EYS: variants seen among roughly 807,000 people sequenced by gnomAD.
EYS encodes the protein EGF-like photoreceptor maintenance factor, also known as protein eyes shut homolog.
Under a neutral mutation model 282.1 loss-of-function variants are expected in EYS, and 250 were observed. The observed-to-expected ratio is 0.89, with a 90% confidence interval of 0.80 to 0.98. The LOEUF (loss-of-function observed/expected upper bound fraction) is 0.98, where lower values mean the gene tolerates loss of function less well. EYS is among the 50% of genes least tolerant of loss of function. The pLI is 0.00. For missense variants in EYS, 4,016 were observed against 3,709.0 expected, an observed-to-expected ratio of 1.08 and a Z score of -2.15; for synonymous variants, 1,355 against 1,282.9, an observed-to-expected ratio of 1.06 and a Z score of -1.20.
chr6:64,927,748 A>C (rs1055883699), intron 15 of EYS, among the ~76,000 whole-genome samples: 2 of 152,176 alleles, frequency 1.3e-5, no homozygotes, highest in African/African-American at 4.8e-5. Flanking sequence ...AAATAATATC[A>C]GTATATCATC....
chr6:65,410,591 A>T (rs1766950071), intron 5 of EYS, among the ~76,000 whole-genome samples: 1 of 144,810 alleles, frequency 6.9e-6, no homozygotes. Context: ...TACTTCTATG[A>T]TACTAGCTTT....
chr6:64,724,764 A>T (rs1285528713), intron 22 of EYS, among the ~76,000 whole-genome samples: 1 of 152,226 alleles, frequency 6.6e-6, no homozygotes, highest in African/African-American at 2.4e-5. Flanking sequence ...GTTAAAAAAT[A>T]GCATTTGTGA....
At chr6:65,352,838 C>G (rs1022020081) in intron 9 of EYS, among the ~76,000 whole-genome samples, 5 of 151,862 alleles carry the variant, frequency 3.3e-5, no homozygotes, top group African/African-American at 4.8e-5. Flanking sequence ...GGCTTTACCC[C>G]CTCCATGGAA....
At chr6:64,575,948 G>A (rs1765866459) in intron 26 of EYS, among the ~76,000 whole-genome samples, 1 of 152,034 alleles carries the variant, frequency 6.6e-6, no homozygotes, top group African/African-American at 2.4e-5. Flanking sequence ...AAAATTAGTG[G>A]TAGCCCTATA....
intron 5 of EYS, among the ~76,000 whole-genome samples, chr6:65,473,852 A>G (rs1044439623): frequency 4.0e-5 from 6 of 151,690 alleles, no homozygotes; most frequent in African/African-American, 9.7e-5. Flanking sequence ...TGTCTCAAAA[A>G]AAAAAAAAAG....
intron 1 of EYS, among the ~76,000 whole-genome samples, chr6:65,658,101 T>G (rs536813084): frequency 2.0e-5 from 3 of 151,824 alleles, no homozygotes; most frequent in South Asian, 2.1e-4. Flanking sequence ...ATAAGCTTTA[T>G]ATGTGCTGGT....
chr6:65,179,291 A>G (rs1765310563), intron 12 of EYS, among the ~76,000 whole-genome samples: 1 of 152,064 alleles, frequency 6.6e-6, no homozygotes, highest in African/African-American at 2.4e-5. Flanking sequence ...TTTTTTGAAA[A>G]GATCAACAAA....
intron 37 of EYS, among the ~76,000 whole-genome samples, chr6:63,789,900 G>C (rs553507573): frequency 6.6e-6 from 1 of 152,274 alleles, no homozygotes; most frequent in African/African-American, 2.4e-5. Context: ...TAATCACTAG[G>C]GGAAGGTGCT....
chr6:65,520,716 C>A (rs1212715391), intron 2 of EYS, among the ~76,000 whole-genome samples: 1 of 151,700 alleles, frequency 6.6e-6, no homozygotes, highest in Admixed American at 6.6e-5. Flanking sequence ...TAACTATTGA[C>A]TGATAATTGT....
intron 28 of EYS, among the ~76,000 whole-genome samples, chr6:64,395,263 C>G (rs1335855642): frequency 2.0e-5 from 3 of 152,016 alleles, no homozygotes; most frequent in Non-Finnish European, 2.9e-5. Flanking sequence ...ACCATTTGAC[C>G]CAGCCATCCC....
chr6:65,006,525 C>T (rs55724421), intron 13 of EYS, among the ~76,000 whole-genome samples: 1 of 96,344 alleles, frequency 1.0e-5, no homozygotes, highest in Middle Eastern at 5.5e-3. Flanking sequence ...AAAAAAAAAG[C>T]AAAAAGGTAG....
At chr6:65,280,329 C>T (rs1446126370) in intron 12 of EYS, among the ~76,000 whole-genome samples, 6 of 152,038 alleles carry the variant, frequency 3.9e-5, no homozygotes, top group South Asian at 2.1e-4. Flanking sequence ...CTAGGAAATG[C>T]GTTTATTCTC....
At chr6:64,841,174 T>C (rs1224435099) in intron 19 of EYS, among the ~76,000 whole-genome samples, 2 of 152,054 alleles carry the variant, frequency 1.3e-5, no homozygotes, top group African/African-American at 4.8e-5. Flanking sequence ...TGTAGACCTA[T>C]AGAAAGAGAA....
At chr6:64,209,728 C>A (rs1290627110) in intron 31 of EYS, among the ~76,000 whole-genome samples, 1 of 152,074 alleles carries the variant, frequency 6.6e-6, no homozygotes, top group Non-Finnish European at 1.5e-5. Flanking sequence ...AAAATCTTTA[C>A]TAGTTTCTCT....
At chr6:63,881,010 T>C (rs940718875) in intron 35 of EYS, among the ~76,000 whole-genome samples, 1 of 130,830 alleles carries the variant, frequency 7.6e-6, no homozygotes, top group African/African-American at 3.2e-5. Flanking sequence ...TAGTTAACAC[T>C]TTTTTTTTTT....
At chr6:65,322,609 A>G (rs531360581) in intron 11 of EYS, among the ~76,000 whole-genome samples, 1 of 152,022 alleles carries the variant, frequency 6.6e-6, no homozygotes, top group East Asian at 1.9e-4. Flanking sequence ...ATCCTGGCCA[A>G]CATGGTGAAA....
At chr6:64,550,744 A>T (rs1765048906) in intron 26 of EYS, among the ~76,000 whole-genome samples, 1 of 152,170 alleles carries the variant, frequency 6.6e-6, no homozygotes, top group South Asian at 2.1e-4. Context: ...CCTTAAGCTG[A>T]TAGGCAACTT....
At chr6:65,703,350 T>C (rs1333246269) in intron 1 of EYS, among the ~76,000 whole-genome samples, 1 of 152,148 alleles carries the variant, frequency 6.6e-6, no homozygotes, top group Admixed American at 6.6e-5. Context: ...AGATATATAA[T>C]AAGAAAATAT....
At chr6:65,277,815 G>A (rs890097034) in intron 12 of EYS, among the ~76,000 whole-genome samples, 1 of 152,112 alleles carries the variant, frequency 6.6e-6, no homozygotes, top group African/African-American at 2.4e-5. Context: ...CCTAGCTATT[G>A]TCTTCATTTG....
Sources: allele counts gnomAD v4.1 joint callset (sites outside exome capture counted in the v4.1 genomes callset), GRCh38; gene constraint gnomAD v4.1.1; transcripts MANE v1.5; gene names NCBI Gene and HGNC (gene_info 2026-07-23, HGNC 2026-07-21).